Variants in OVCH1 observed in about 807,000 individuals in gnomAD.
OVCH1 encodes the protein ovochymase-1.
In OVCH1, 139 loss-of-function variants were observed where a neutral mutation model predicts 138.4. The ratio of observed to expected loss-of-function variants is 1.00; its 90% CI spans 0.87 to 1.16. The LOEUF is 1.16. Ranked by LOEUF, OVCH1 falls within the 50% of genes most tolerant of loss-of-function variation. OVCH1 has a pLI of 0.00. For synonymous variants in OVCH1, 453 were observed against 467.8 expected, an observed-to-expected ratio of 0.97 and a Z score of 0.41; for missense variants, 1,367 against 1,357.9, an observed-to-expected ratio of 1.01 and a Z score of -0.11.
chr12:29,435,420 G>T (rs947535730), intron 26 of OVCH1, among the ~76,000 whole-genome samples: 1 of 152,162 alleles, frequency 6.6e-6, no homozygotes, highest in Non-Finnish European at 1.5e-5. Context: ...AGGCTGGAGT[G>T]CAGTGGCGCG....
chr12:29,421,088 G>A (rs148936457), intron 3 of OVCH1, among the ~76,000 whole-genome samples: 181 of 152,302 alleles, frequency 1.2e-3, no homozygotes, highest in African/African-American at 3.8e-3. Flanking sequence ...TTGTGGCCAG[G>A]GAGCCTCTAT....
intron 26 of OVCH1, among the ~76,000 whole-genome samples, chr12:29,436,696 G>T (rs191104958): frequency 2.7e-5 from 4 of 145,680 alleles, no homozygotes; most frequent in African/African-American, 8.4e-5. Context: ...GAGTGAAGCC[G>T]CAGACCTTCA....
intron 22 of OVCH1, among the ~76,000 whole-genome samples, 165 bp downstream of exon 22, chr12:29,451,180 T>A (rs1183190523): frequency 2.0e-5 from 3 of 151,706 alleles, no homozygotes; most frequent in Non-Finnish European, 4.4e-5. Flanking sequence ...ATAATAATAA[T>A]AATAATAAAG....
Position 29,478,977 on chromosome 12 carries a change from G to A in OVCH1, c.996-69C>T. 3.6e-6 allele frequency: 4 copies of A among 1,122,696 alleles called. No homozygotes were observed. The South Asian group carries it at 5.1e-5, about 14-fold the overall frequency. 69.5% of individuals were successfully genotyped at this position (1,122,696 alleles called of 1,614,324 possible). On this transcript the variant is annotated intron_variant, in intron 8 of 27. Transcript: ENST00000318184. ...TTTTCCAAACATATAAGCTGGGGTA[G>A]GGGAAGGTGAAGAAAATGTAATAAA...
exon 6 of OVCH1, chr12:29,489,733 G>A (rs1459786172): frequency 1.2e-6 from 2 of 1,611,086 alleles, no homozygotes; most frequent in Non-Finnish European, 1.7e-6. Context: ...TCCATGATGG[G>A]AAGTTCCATT....
intron 6 of OVCH1, 150 bp downstream of exon 6, chr12:29,489,470 A>T: frequency 3.3e-6 from 3 of 912,986 alleles, no homozygotes; most frequent in East Asian, 2.8e-5. Context: ...CAGGTCAAGT[A>T]CACTTTTTCA....
chr12:29,465,031 G>T, intron 17 of OVCH1, 116 bp downstream of exon 17: 2 of 856,520 alleles, frequency 2.3e-6, no homozygotes, highest in Non-Finnish European at 3.6e-6. Context: ...TAAATAATAA[G>T]TGTGAAAGGG....
chr12:29,416,960 T>C (rs1941037659), intron 3 of OVCH1, among the ~76,000 whole-genome samples: 1 of 152,220 alleles, frequency 6.6e-6, no homozygotes, highest in Non-Finnish European at 1.5e-5. Flanking sequence ...TACCATGGAA[T>C]GCTATTCATG....
chr12:29,433,923 T>C, intron 26 of OVCH1: 2 of 950,902 alleles, frequency 2.1e-6, no homozygotes, highest in East Asian at 4.0e-5. Flanking sequence ...AAGCAAAGCC[T>C]GCTGGCTGAT....
At chr12:29,492,250 C>A (rs1185726526) in intron 4 of OVCH1, among the ~76,000 whole-genome samples, 1 of 151,752 alleles carries the variant, frequency 6.6e-6, no homozygotes. Context: ...AAGAAACAAT[C>A]CTTGCTGCAG....
chr12:29,465,204 G>T, exon 17 of OVCH1: 1 of 1,601,800 alleles, frequency 6.2e-7, no homozygotes, highest in Non-Finnish European at 8.5e-7. Context: ...TAGTCCAGGA[G>T]AGTGGATTAT....
chr12:29,437,891 A>G (rs1330534203), intron 26 of OVCH1, among the ~76,000 whole-genome samples: 1 of 152,178 alleles, frequency 6.6e-6, no homozygotes, highest in Non-Finnish European at 1.5e-5. Context: ...TTTAATCAAG[A>G]CTAAGTCAAA....
rs1347797378 is a variant in OVCH1, at chr12:29,413,671, C to CAT, written c.*72-947_*72-946insAT. 4.3e-3 allele frequency among the ~76,000 whole-genome samples: 523 copies of CAT among 121,380 alleles called. 3 individuals carry two copies. The highest frequency in any genetic ancestry group is 0.018 in the African/African-American group (503 of 28,502). The allele number at this position is 121,380 out of a possible 152,430, so 79.6% of individuals were successfully genotyped here. On this transcript the variant is annotated intron_variant and NMD_transcript_variant, in intron 3 of 4. Coordinates refer to the OVCH1 transcript ENST00000539117. ...TGTGTCTGTGTGTATTACACACATA[C>CAT]ACACACACACACACACACATTGGTT...
At chr12:29,413,020 A>C (rs1264606120) in intron 3 of OVCH1, among the ~76,000 whole-genome samples, 3 of 123,462 alleles carry the variant, frequency 2.4e-5, no homozygotes, top group Non-Finnish European at 5.3e-5. Context: ...ACATCCAGCT[A>C]ATTCTTTTTT....
chr12:29,404,091 A>G, the OVCH1 span, among the ~76,000 whole-genome samples: 2 of 152,230 alleles, frequency 1.3e-5, no homozygotes, highest in Non-Finnish European at 2.9e-5. Context: ...CAGCACTGAA[A>G]AGACATTCAT....
exon 28 of OVCH1, chr12:29,427,634 C>G: frequency 6.4e-7 from 1 of 1,551,178 alleles, no homozygotes; most frequent in Non-Finnish European, 8.7e-7. Context: ...TCCTGGACTT[C>G]TCAGCCTCCA....
rs576698452 is a variant in OVCH1 at position 29,457,821 on chromosome 12, G to A, written c.2281-2416C>T. 1.3e-3 allele frequency among the ~76,000 whole-genome samples: 198 copies of A among 152,278 alleles called. 1 individual carries two copies. The South Asian group carries it at 0.04, about 30-fold the overall frequency. ...AGTAGCTATAAAGGAAATACTCAGAGTGAATAGTAAAGAATAAAGGTAGTT... is the reference window on the plus strand; with the variant it reads ...AGTAGCTATAAAGGAAATACTCAGAATGAATAGTAAAGAATAAAGGTAGTT... On this transcript the variant is annotated intron_variant, in intron 19 of 27. Transcript: ENST00000318184.
At chr12:29,496,078 G>T (rs899123773) in intron 3 of OVCH1, 103 bp downstream of exon 3, 11 of 1,082,358 alleles carry the variant, frequency 1.0e-5, no homozygotes, top group Non-Finnish European at 1.5e-5. Context: ...GGAGGCAAAA[G>T]TAAGAAAGGG....
At chr12:29,417,415 A>G (rs1941043820) in intron 3 of OVCH1, among the ~76,000 whole-genome samples, 1 of 134,482 alleles carries the variant, frequency 7.4e-6, no homozygotes, top group Non-Finnish European at 1.5e-5. Flanking sequence ...GTGAGCCAAG[A>G]TTGTGCCACT....
Sources: allele counts gnomAD v4.1 joint callset (sites outside exome capture counted in the v4.1 genomes callset), GRCh38; gene constraint gnomAD v4.1.1; transcripts MANE v1.5; gene names NCBI Gene and HGNC (gene_info 2026-07-23, HGNC 2026-07-21).